Variants in KATNAL2 observed in about 807,000 individuals in gnomAD.
KATNAL2 encodes katanin catalytic subunit A1 like 2.
In KATNAL2, 52 loss-of-function variants were observed where a neutral mutation model predicts 76.3. The ratio of observed to expected loss-of-function variants is 0.68; its 90% CI spans 0.55 to 0.86. The LOEUF (loss-of-function observed/expected upper bound fraction) is 0.86, where lower values mean the gene tolerates loss of function less well. Ranked by LOEUF, KATNAL2 falls within the 40% of genes least tolerant of loss-of-function variation. The probability of loss-of-function intolerance (pLI) is 0.00; values close to 1 mark genes in which losing one functional copy is unlikely to be tolerated. For synonymous variants in KATNAL2, 243 were observed against 244.2 expected, an observed-to-expected ratio of 1.00 and a Z score of 0.05; for missense variants, 660 against 668.9, an observed-to-expected ratio of 0.99 and a Z score of 0.15.
intron 15 of KATNAL2, among the ~76,000 whole-genome samples, chr18:47,083,577 C>G (rs932501519): frequency 2.0e-5 from 3 of 152,242 alleles, no homozygotes; most frequent in Admixed American, 6.5e-5. Flanking sequence ...TTCAGCCCTT[C>G]TCCTCCAAAG....
In KATNAL2 at chr18:46,935,710, G is replaced by A. The variant is rs531452429; in HGVS notation, c.-509-10347G>A. ...AGGTAGGCGGATCGCAAAGTCAGGTGTTCGAGGCCAGCCTGATCAACATGG... is the reference window on the plus strand; with the variant it reads ...AGGTAGGCGGATCGCAAAGTCAGGTATTCGAGGCCAGCCTGATCAACATGG... On this transcript the variant is annotated intron_variant, in intron 1 of 17. Coordinates refer to ENST00000683218, the MANE Select transcript of KATNAL2 (RefSeq NM_001387690.1). Among the ~76,000 whole-genome samples the A allele has an allele frequency of 7.4e-4, 112 of 152,276 alleles. 1 individual carries two copies. The East Asian group carries it at 7.5e-3, about 10-fold the overall frequency.
intron 1 of KATNAL2, among the ~76,000 whole-genome samples, chr18:46,942,537 C>T (rs2059275489): frequency 6.6e-6 from 1 of 152,154 alleles, no homozygotes; most frequent in African/African-American, 2.4e-5. Flanking sequence ...TAACTTAAAC[C>T]TTGGAGGCGG....
chr18:46,943,121 T>C (rs1303944549), intron 1 of KATNAL2, among the ~76,000 whole-genome samples: 1 of 152,102 alleles, frequency 6.6e-6, no homozygotes, highest in Non-Finnish European at 1.5e-5. Flanking sequence ...AGTTGTTCTT[T>C]CCGCGTTTTT....
chr18:47,054,462 T>G (rs2061417115), intron 6 of KATNAL2, 24 bp downstream of exon 6: 1 of 1,609,386 alleles, frequency 6.2e-7, no homozygotes, highest in Non-Finnish European at 8.5e-7. Context: ...TAATTCTTCT[T>G]AATCGACTCG....
intron 15 of KATNAL2, among the ~76,000 whole-genome samples, chr18:47,092,935 T>C (rs1041078242): frequency 3.9e-5 from 6 of 152,218 alleles, no homozygotes; most frequent in Admixed American, 1.3e-4. Context: ...CCCAACTTAA[T>C]TGATGTCTTC....
intron 15 of KATNAL2, 86 bp from the exon 16 acceptor site, chr18:47,099,157 C>A: frequency 2.2e-6 from 3 of 1,350,914 alleles, no homozygotes; most frequent in Non-Finnish European, 3.1e-6. Flanking sequence ...TTGCTTCCTG[C>A]AATGCTAAAT....
intron 3 of KATNAL2, 187 bp from the exon 4 acceptor site, chr18:47,046,270 A>C: frequency 1.7e-6 from 1 of 581,164 alleles, no homozygotes; most frequent in Non-Finnish European, 3.0e-6. Context: ...ACAATTGAGA[A>C]GGCAGCTGTG....
At chr18:47,046,436 C>T in intron 3 of KATNAL2, 21 bp from the exon 4 acceptor site, 2 of 1,523,844 alleles carry the variant, frequency 1.3e-6, no homozygotes, top group Non-Finnish European at 1.8e-6. Context: ...GTCATCCTAC[C>T]TAAATTTTCC....
At chr18:46,928,805 C>CT (rs879375012) in intron 1 of KATNAL2, among the ~76,000 whole-genome samples, 4 of 151,930 alleles carry the variant, frequency 2.6e-5, no homozygotes, top group Non-Finnish European at 4.4e-5. Flanking sequence ...ATTTCTTTCT[C>CT]TTTTTTTTGA....
intron 3 of KATNAL2, among the ~76,000 whole-genome samples, chr18:46,965,589 C>CCG (rs1569032436): frequency 4.1e-5 from 4 of 96,426 alleles, no homozygotes; most frequent in African/African-American, 1.7e-4. Flanking sequence ...CCGCCCCCCC[C>CCG]CCCCCGCCCC....
rs1199525624 is a variant in KATNAL2 at position 47,051,968 on chromosome 18, G to A, written c.123-912G>A. On this transcript the variant is annotated intron_variant, in intron 4 of 17. Coordinates refer to ENST00000683218, the MANE Select transcript of KATNAL2 (RefSeq NM_001387690.1). ...AAAGTTTTCTCTTTCTACTTTCCTG[G>A]ATCTAGATTCAAATGAAACAGAAAG... Among the ~76,000 whole-genome samples, 7 of 152,302 alleles carry A rather than the reference G, an allele frequency of 4.6e-5. No homozygotes were observed. The East Asian group carries it at 1.3e-3, about 29-fold the overall frequency.
chr18:47,043,820 C>CAA (rs10579981), intron 3 of KATNAL2, among the ~76,000 whole-genome samples: 38 of 144,734 alleles, frequency 2.6e-4, no homozygotes, highest in Non-Finnish European at 4.3e-4. Context: ...TTATTCATTT[C>CAA]AAAAAAAAAA....
At chr18:46,932,206 C>T (rs1328425466) in intron 1 of KATNAL2, among the ~76,000 whole-genome samples, 2 of 152,014 alleles carry the variant, frequency 1.3e-5, no homozygotes, top group Non-Finnish European at 2.9e-5. Flanking sequence ...CCACCACGCC[C>T]GTCCCACTAG....
At chr18:46,925,954 G>A (rs563428087) in intron 1 of KATNAL2, among the ~76,000 whole-genome samples, 19 of 151,430 alleles carry the variant, frequency 1.3e-4, no homozygotes, top group East Asian at 3.9e-4. Context: ...TTTTTATTGC[G>A]TCTATTTGAT....
chr18:46,961,920 G>C (rs892229344), intron 3 of KATNAL2, among the ~76,000 whole-genome samples: 1 of 152,200 alleles, frequency 6.6e-6, no homozygotes, highest in African/African-American at 2.4e-5. Flanking sequence ...TTGCTACTAA[G>C]AATATAAGTT....
At chr18:46,918,887 CCT>C (rs1384472886) in intron 1 of KATNAL2, among the ~76,000 whole-genome samples, 4 of 152,066 alleles carry the variant, frequency 2.6e-5, no homozygotes, top group Non-Finnish European at 5.9e-5. Flanking sequence ...TTCAAATTCC[CCT>C]GTTATGACCT....
chr18:46,926,786 A>C (rs921374153), intron 1 of KATNAL2, among the ~76,000 whole-genome samples: 1 of 152,146 alleles, frequency 6.6e-6, no homozygotes, highest in East Asian at 1.9e-4. Context: ...GGGTGCATAT[A>C]TATTTAGGAT....
intron 3 of KATNAL2, among the ~76,000 whole-genome samples, chr18:47,036,458 C>G (rs926057432): frequency 7.2e-5 from 11 of 152,234 alleles, no homozygotes; most frequent in Admixed American, 6.5e-5. Flanking sequence ...CTGGTCCTCT[C>G]TGTCTTTGAC....
intron 3 of KATNAL2, among the ~76,000 whole-genome samples, chr18:46,954,767 C>A (rs1015994539): frequency 7.2e-5 from 11 of 152,170 alleles, no homozygotes; most frequent in African/African-American, 2.7e-4. Flanking sequence ...CCTCAGCCTC[C>A]AGAGTAGCTG....
Sources: gnomAD v4.1 joint callset for allele counts (sites outside exome capture counted in the v4.1 genomes callset) on GRCh38, gnomAD v4.1.1 for gene constraint, MANE v1.5 for transcripts, NCBI Gene and HGNC (gene_info 2026-07-23, HGNC 2026-07-21) for gene names.